The following GRAMD2B variants were observed in gnomAD, a reference collection of about 807,000 sequenced individuals.
GRAMD2B encodes GRAM domain containing 2B.
A neutral mutation model predicts 59.2 loss-of-function variants in GRAMD2B; 41 were observed. The observed-to-expected ratio is 0.69, with a 90% CI of 0.54 to 0.90. GRAMD2B has a LOEUF of 0.90. Ranked by LOEUF, GRAMD2B falls within the 40% of genes least tolerant of loss-of-function variation. The pLI is 0.00. For missense variants in GRAMD2B, 424 were observed against 500.5 expected, an observed-to-expected ratio of 0.85 and a Z score of 1.46; for synonymous variants, 161 against 182.7, an observed-to-expected ratio of 0.88 and a Z score of 0.96.
intron 1 of GRAMD2B, among the ~76,000 whole-genome samples, chr5:126,395,005 A>G (rs890637505): frequency 3.3e-5 from 5 of 152,230 alleles, no homozygotes; most frequent in Non-Finnish European, 4.4e-5. Flanking sequence ...TTAATGAAGA[A>G]GACTCAAAAC....
intron 1 of GRAMD2B, among the ~76,000 whole-genome samples, chr5:126,375,968 C>T (rs181789626): frequency 6.6e-6 from 1 of 152,228 alleles, no homozygotes; most frequent in Non-Finnish European, 1.5e-5. Context: ...CAGAAATCAT[C>T]GTTTCTCAAA....
At chr5:126,447,587 C>T (rs1165086719) in intron 1 of GRAMD2B, among the ~76,000 whole-genome samples, 1 of 151,518 alleles carries the variant, frequency 6.6e-6, no homozygotes, top group Non-Finnish European at 1.5e-5. Flanking sequence ...TGGCGTGAAC[C>T]CGGGAGGCGG....
At chr5:126,428,043 G>T (rs910497859) in intron 1 of GRAMD2B, among the ~76,000 whole-genome samples, 1 of 152,086 alleles carries the variant, frequency 6.6e-6, no homozygotes, top group Non-Finnish European at 1.5e-5. Context: ...GACCAGCCTG[G>T]CCAACATGGT....
At chr5:126,409,481 G>A (rs1446949769) in intron 1 of GRAMD2B, among the ~76,000 whole-genome samples, 2 of 152,106 alleles carry the variant, frequency 1.3e-5, no homozygotes, top group African/African-American at 2.4e-5. Context: ...CTGCATAAAC[G>A]TCTTCTTTTG....
At chr5:126,427,977 T>C (rs1379206666) in intron 1 of GRAMD2B, among the ~76,000 whole-genome samples, 2 of 152,208 alleles carry the variant, frequency 1.3e-5, no homozygotes. Context: ...TAGCTCACTA[T>C]AATCCAGCAT....
chr5:126,493,476 C>CT lies in GRAMD2B; in HGVS notation c.*530dup, dbSNP rs530776629. 96 of 149,850 alleles carry CT rather than the reference C, an allele frequency of 6.4e-4. No homozygotes were observed. The highest frequency in any genetic ancestry group is 2.6e-3 in the South Asian group (12 of 4,674). The allele number at this position is 149,850 out of a possible 1,614,324, so 9.3% of individuals were successfully genotyped here. On this transcript the variant is annotated 3_prime_UTR_variant, in exon 14 of 14. Transcript: ENST00000285689. Reference sequence around the variant, plus strand: ...CAAACAAGTAACATCTACATTTTGTCTTTTTTTTTTCAGTTCTCCTGTTAT... The same window carrying CT: ...CAAACAAGTAACATCTACATTTTGTCTTTTTTTTTTTCAGTTCTCCTGTTAT...
At chr5:126,472,142 A>G (rs1316300021) in intron 3 of GRAMD2B, 96 bp from the exon 4 acceptor site, 6 of 867,276 alleles carry the variant, frequency 6.9e-6, no homozygotes, top group Admixed American at 3.7e-5. Flanking sequence ...TCCTAAAGAT[A>G]CTATTAAGGG....
chr5:126,391,319 C>CAA (rs61181985), intron 1 of GRAMD2B, among the ~76,000 whole-genome samples: 9,211 of 76,058 alleles, frequency 0.12, 1,407 homozygotes, highest in East Asian at 0.23. Flanking sequence ...GACTCCATCT[C>CAA]AAAAAAAAAA....
chr5:126,419,727 T>C (rs1759558493), upstream of GRAMD2B, among the ~76,000 whole-genome samples: 1 of 152,160 alleles, frequency 6.6e-6, no homozygotes, highest in Non-Finnish European at 1.5e-5. Context: ...TCTACCAAAG[T>C]GGTTTTAAAA....
chr5:126,492,773 A>AT (rs1774178850), intron 13 of GRAMD2B, 142 bp from the exon 14 acceptor site: 1 of 565,404 alleles, frequency 1.8e-6, no homozygotes, highest in African/African-American at 1.9e-5. Context: ...AAAAGCATCT[A>AT]TTTGCCTCAC....
At chr5:126,408,553 G>A (rs981293950) in intron 1 of GRAMD2B, among the ~76,000 whole-genome samples, 6 of 151,580 alleles carry the variant, frequency 4.0e-5, no homozygotes, top group Non-Finnish European at 8.8e-5. Flanking sequence ...ACAAGCCAGG[G>A]TTGCAGTTTA....
chr5:126,471,299 T>G (rs1238468286), intron 3 of GRAMD2B, among the ~76,000 whole-genome samples: 1 of 152,202 alleles, frequency 6.6e-6, no homozygotes, highest in East Asian at 1.9e-4. Flanking sequence ...AGGCTTGAAC[T>G]CCTGGGCTCA....
chr5:126,370,017 C>T (rs1053206409), upstream of GRAMD2B, among the ~76,000 whole-genome samples: 1 of 152,196 alleles, frequency 6.6e-6, no homozygotes, highest in African/African-American at 2.4e-5. Context: ...GAAATATAGA[C>T]CGTGCTCTGT....
chr5:126,399,613 CT>C (rs748883215), intron 1 of GRAMD2B, among the ~76,000 whole-genome samples: 7 of 152,140 alleles, frequency 4.6e-5, no homozygotes, highest in Non-Finnish European at 1.0e-4. Flanking sequence ...CATTAAACCT[CT>C]TTTGTTTATA....
chr5:126,478,430 C>A lies in GRAMD2B; in HGVS notation c.582+643C>A, dbSNP rs113125484. Among the ~76,000 whole-genome samples, 291 of 151,972 alleles carry A rather than the reference C, an allele frequency of 1.9e-3. 2 individuals are homozygous for A. Among genetic ancestry groups the A allele is most frequent in the African/African-American group, 6.7e-3 (276 of 41,442 alleles). On this transcript the variant is annotated intron_variant, in intron 6 of 13. Coordinates refer to ENST00000285689, the MANE Select transcript of GRAMD2B (RefSeq NM_023927.4). ...TCCAGCCTGGGCAACAGAGAAAGAC[C>A]CTGTCTCAAAGAAAAAGAAAAAGGA...
chr5:126,481,443 T>A (rs558960481), intron 8 of GRAMD2B, among the ~76,000 whole-genome samples: 21 of 152,274 alleles, frequency 1.4e-4, no homozygotes, highest in Middle Eastern at 3.4e-3. Flanking sequence ...ATATTCTACA[T>A]TAGTGAAGCA....
chr5:126,419,689 C>T (rs1434510892), upstream of GRAMD2B, among the ~76,000 whole-genome samples: 1 of 152,190 alleles, frequency 6.6e-6, no homozygotes, highest in Non-Finnish European at 1.5e-5. Flanking sequence ...GAAGCTCCCA[C>T]CCACCAAAGG....
chr5:126,416,325 G>A (rs1014708486), intron 1 of GRAMD2B, among the ~76,000 whole-genome samples: 16 of 151,834 alleles, frequency 1.1e-4, no homozygotes, highest in Middle Eastern at 3.4e-3. Context: ...TTTCTTTTTC[G>A]CTTACTTCTT....
intron 2 of GRAMD2B, among the ~76,000 whole-genome samples, chr5:126,466,729 G>T (rs182494937): frequency 1.5e-4 from 23 of 152,194 alleles, no homozygotes; most frequent in Non-Finnish European, 2.8e-4. Flanking sequence ...TCCTCTAGTT[G>T]TTTCCCCTCA....
Sources: gnomAD v4.1 joint callset for allele counts (sites outside exome capture counted in the v4.1 genomes callset) on GRCh38, gnomAD v4.1.1 for gene constraint, MANE v1.5 for transcripts, NCBI Gene and HGNC (gene_info 2026-07-23, HGNC 2026-07-21) for gene names.